The following MAGI2 variants were observed in gnomAD, a reference collection of about 807,000 sequenced individuals.
MAGI2 encodes membrane associated guanylate kinase, WW and PDZ domain containing 2, also known as membrane-associated guanylate kinase, WW and PDZ domain-containing protein 2.
MAGI2 carries 35 observed loss-of-function variants against 133.3 expected under a neutral mutation model. That is an observed-to-expected ratio of 0.26 (90% CI 0.20 to 0.35). The LOEUF is 0.35. Among genes scored for constraint, MAGI2 ranks in the 10% least tolerant of loss-of-function variants. The pLI, the probability that MAGI2 is intolerant of heterozygous loss-of-function variation, is 1.00. For missense variants in MAGI2, 1,636 were observed against 1,863.4 expected, an observed-to-expected ratio of 0.88 and a Z score of 2.25; for synonymous variants, 729 against 710.6, an observed-to-expected ratio of 1.03 and a Z score of -0.41.
At chr7:78,145,610 T>C (rs1486252079) in intron 16 of MAGI2, among the ~76,000 whole-genome samples, 1 of 152,178 alleles carries the variant, frequency 6.6e-6, no homozygotes, top group South Asian at 2.1e-4. Flanking sequence ...TGTTCTCTTT[T>C]GGCCCTTCCT....
At chr7:78,343,282 G>A (rs1486223365) in intron 9 of MAGI2, among the ~76,000 whole-genome samples, 1 of 152,066 alleles carries the variant, frequency 6.6e-6, no homozygotes, top group Non-Finnish European at 1.5e-5. Context: ...ATTTTTAAGG[G>A]CTAGAAAAGA....
chr7:78,354,039 A>C (rs574057259), intron 7 of MAGI2, among the ~76,000 whole-genome samples: 1 of 152,290 alleles, frequency 6.6e-6, no homozygotes, highest in South Asian at 2.1e-4. Flanking sequence ...CACATCAACC[A>C]AGTAGGAAAG....
Position 79,138,566 on chromosome 7 carries a change from A to C in MAGI2, c.302-131360T>G, listed in dbSNP as rs143008816. Among the ~76,000 whole-genome samples the C allele has an allele frequency of 3.5e-3, 537 of 152,320 alleles. 1 individual carries two copies. The highest frequency in any genetic ancestry group is 0.012 in the African/African-American group (505 of 41,578). ...AACAATGGCTTTCTATTTCAGACTG[A>C]AGGGAATTCCCCTAAAATTCACAGG... On this transcript the variant is annotated intron_variant, in intron 1 of 21. Coordinates refer to ENST00000354212, the MANE Select transcript of MAGI2 (RefSeq NM_012301.4).
At chr7:79,300,643 G>C (rs1003169499) in intron 1 of MAGI2, among the ~76,000 whole-genome samples, 1 of 152,164 alleles carries the variant, frequency 6.6e-6, no homozygotes, top group African/African-American at 2.4e-5. Context: ...AAAAGTAAAA[G>C]CCTTTTCAGG....
At chr7:79,149,051 T>C (rs1295934755) in intron 1 of MAGI2, among the ~76,000 whole-genome samples, 1 of 143,548 alleles carries the variant, frequency 7.0e-6, no homozygotes, top group Non-Finnish European at 1.5e-5. Context: ...TATATATATA[T>C]AATATAATAT....
At chr7:78,793,849 ACTT>A (rs1163267491) in intron 2 of MAGI2, among the ~76,000 whole-genome samples, 1 of 152,204 alleles carries the variant, frequency 6.6e-6, no homozygotes, top group Non-Finnish European at 1.5e-5. Context: ...TATCTCATGT[ACTT>A]CTTGCTTCAG....
At chr7:78,755,313 T>C (rs1237425960) in intron 2 of MAGI2, among the ~76,000 whole-genome samples, 1 of 152,190 alleles carries the variant, frequency 6.6e-6, no homozygotes, top group Non-Finnish European at 1.5e-5. Flanking sequence ...GGAAAATCAT[T>C]TGGTTTCATT....
intron 9 of MAGI2, among the ~76,000 whole-genome samples, chr7:78,295,200 T>C (rs1429399522): frequency 6.6e-6 from 1 of 152,194 alleles, no homozygotes; most frequent in Non-Finnish European, 1.5e-5. Context: ...GTATCCATGC[T>C]GCTGGCTTAG....
intron 2 of MAGI2, among the ~76,000 whole-genome samples, chr7:78,949,059 C>T (rs1801663392): frequency 1.3e-5 from 2 of 152,156 alleles, no homozygotes; most frequent in African/African-American, 4.8e-5. Flanking sequence ...CCATAGGGAA[C>T]ACTCATATGA....
At chr7:78,499,221 C>T (rs552547053) in intron 5 of MAGI2, among the ~76,000 whole-genome samples, 3 of 152,284 alleles carry the variant, frequency 2.0e-5, no homozygotes, top group South Asian at 2.1e-4. Flanking sequence ...CTAAGGACTT[C>T]GTCTTTGTAA....
At chr7:78,685,970 C>T (rs200171374) in intron 2 of MAGI2, among the ~76,000 whole-genome samples, 2 of 70,342 alleles carry the variant, frequency 2.8e-5, no homozygotes, top group Non-Finnish European at 6.1e-5. Flanking sequence ...TCTTTTTTTT[C>T]TTTTCTTTTT....
At chr7:78,352,402 C>T (rs191210867) in intron 7 of MAGI2, among the ~76,000 whole-genome samples, 4 of 152,170 alleles carry the variant, frequency 2.6e-5, no homozygotes, top group African/African-American at 4.8e-5. Context: ...AAAATGGCAT[C>T]TATTTTACTT....
chr7:78,438,620 T>C (rs1787293988), intron 6 of MAGI2, among the ~76,000 whole-genome samples: 1 of 152,166 alleles, frequency 6.6e-6, no homozygotes, highest in Admixed American at 6.6e-5. Context: ...GTCCTCTCAG[T>C]GATTCTGTAC....
At chr7:79,392,193 CT>C (rs1193043341) in intron 1 of MAGI2, among the ~76,000 whole-genome samples, 13 of 152,112 alleles carry the variant, frequency 8.5e-5, no homozygotes, top group African/African-American at 2.4e-4. Context: ...TTATCTCATT[CT>C]TTTTTATGGC....
At chr7:78,465,181 A>G (rs1790489667) in intron 6 of MAGI2, among the ~76,000 whole-genome samples, 3 of 152,216 alleles carry the variant, frequency 2.0e-5, no homozygotes, top group Admixed American at 2.0e-4. Context: ...GGCTTCACAT[A>G]CACACACATA....
chr7:78,459,237 T>C (rs1789695855), intron 6 of MAGI2, among the ~76,000 whole-genome samples: 1 of 152,234 alleles, frequency 6.6e-6, no homozygotes, highest in Non-Finnish European at 1.5e-5. Context: ...ATAAAACATT[T>C]CATTAAGAGT....
chr7:78,835,884 C>G (rs7808431), intron 2 of MAGI2, among the ~76,000 whole-genome samples: 54,565 of 152,026 alleles, frequency 0.36, 10,499 homozygotes, highest in East Asian at 0.71. Context: ...TTCTTAGAGA[C>G]AGTTATGTTG....
intron 6 of MAGI2, among the ~76,000 whole-genome samples, chr7:78,443,043 A>G (rs995865026): frequency 2.0e-5 from 3 of 152,206 alleles, no homozygotes; most frequent in Non-Finnish European, 4.4e-5. Context: ...CATGGTTTGT[A>G]TCTTATTTCC....
intron 1 of MAGI2, among the ~76,000 whole-genome samples, chr7:79,052,135 A>G (rs1485315011): frequency 6.6e-6 from 1 of 152,166 alleles, no homozygotes; most frequent in Non-Finnish European, 1.5e-5. Context: ...ACACACAGAG[A>G]AACAGCAGCA....
Sources: allele counts gnomAD v4.1 joint callset (sites outside exome capture counted in the v4.1 genomes callset), GRCh38; gene constraint gnomAD v4.1.1; transcripts MANE v1.5; gene names NCBI Gene and HGNC (gene_info 2026-07-23, HGNC 2026-07-21).